The following PDE1C variants were observed in gnomAD, a reference collection of about 807,000 sequenced individuals.
PDE1C encodes the protein phosphodiesterase 1C, also known as dual specificity calcium/calmodulin-dependent 3',5'-cyclic nucleotide phosphodiesterase 1C.
In PDE1C, 62 loss-of-function variants were observed where a neutral mutation model predicts 93.1. The observed-to-expected ratio is 0.67, with a 90% confidence interval of 0.54 to 0.82. PDE1C has a LOEUF of 0.82. Ranked by LOEUF, PDE1C falls within the 40% of genes least tolerant of loss-of-function variation. PDE1C has a pLI of 0.00. For synonymous variants in PDE1C, 325 were observed against 310.1 expected, an observed-to-expected ratio of 1.05 and a Z score of -0.50; for missense variants, 742 against 884.6, an observed-to-expected ratio of 0.84 and a Z score of 2.04.
intron 2 of PDE1C, among the ~76,000 whole-genome samples, chr7:31,932,298 A>C (rs1173128961): frequency 6.6e-6 from 1 of 150,692 alleles, no homozygotes; most frequent in Non-Finnish European, 1.5e-5. Context: ...GAATGGGAGA[A>C]AATTTTTGCA....
chr7:31,832,157 G>C (rs1434125813), intron 11 of PDE1C, among the ~76,000 whole-genome samples: 1 of 152,030 alleles, frequency 6.6e-6, no homozygotes, highest in Non-Finnish European at 1.5e-5. Flanking sequence ...ATTTCATAGA[G>C]AACAAAGGAA....
chr7:31,705,745 C>T, the PDE1C span, among the ~76,000 whole-genome samples: 8 of 151,684 alleles, frequency 5.3e-5, no homozygotes, highest in Admixed American at 3.9e-4. Context: ...GACTGGAAGG[C>T]GTCTCATTAT....
chr7:31,809,390 A>T (rs1020999000), intron 15 of PDE1C, among the ~76,000 whole-genome samples: 1 of 152,058 alleles, frequency 6.6e-6, no homozygotes, highest in Non-Finnish European at 1.5e-5. Context: ...CTGTGGAGTG[A>T]GGAGAAACCC....
intron 1 of PDE1C, among the ~76,000 whole-genome samples, chr7:32,376,726 C>T (rs528617919): frequency 8.2e-4 from 125 of 152,244 alleles, no homozygotes; most frequent in Middle Eastern, 6.8e-3. Context: ...CTCACTCTGT[C>T]GTCCAGGCTG....
the PDE1C span, among the ~76,000 whole-genome samples, chr7:31,713,378 C>T: frequency 6.6e-6 from 1 of 152,254 alleles, no homozygotes; most frequent in African/African-American, 2.4e-5. Context: ...CTCCCATGGC[C>T]TTGGGCAGCT....
chr7:31,989,597 C>T (rs1422004487), intron 2 of PDE1C, among the ~76,000 whole-genome samples: 2 of 152,206 alleles, frequency 1.3e-5, no homozygotes, highest in Non-Finnish European at 2.9e-5. Flanking sequence ...TACATTCTTA[C>T]ACTTGGGTGT....
chr7:31,793,708 T>C (rs1784844118), intron 16 of PDE1C, among the ~76,000 whole-genome samples: 1 of 150,850 alleles, frequency 6.6e-6, no homozygotes, highest in Non-Finnish European at 1.5e-5. Context: ...AAGAAAACAT[T>C]AAGAAAAAAC....
At chr7:31,828,401 T>C (rs2128747842) in intron 11 of PDE1C, 28 bp from the exon 12 acceptor site, 2 of 1,581,468 alleles carry the variant, frequency 1.3e-6, no homozygotes, top group East Asian at 2.2e-5. Context: ...CATAGTAAAT[T>C]AAGGAACAGT....
intron 3 of PDE1C, among the ~76,000 whole-genome samples, chr7:32,154,575 C>A (rs908753760): frequency 6.6e-6 from 1 of 152,178 alleles, no homozygotes; most frequent in African/African-American, 2.4e-5. Flanking sequence ...CTCATTCCAT[C>A]CTCCCATCAT....
chr7:32,337,117 G>T (rs368028511), intron 1 of PDE1C, among the ~76,000 whole-genome samples: 14 of 151,740 alleles, frequency 9.2e-5, no homozygotes, highest in Non-Finnish European at 1.2e-4. Context: ...GCCTAGAGAG[G>T]CTCCCTACCT....
intron 3 of PDE1C, among the ~76,000 whole-genome samples, chr7:32,085,231 G>A (rs947844544): frequency 1.3e-4 from 19 of 149,158 alleles, no homozygotes; most frequent in African/African-American, 4.5e-4. Flanking sequence ...ACAACTCTAC[G>A]CAAATAAACT....
At chr7:32,175,246 A>G (rs1376306282) in intron 2 of PDE1C, among the ~76,000 whole-genome samples, 1 of 152,232 alleles carries the variant, frequency 6.6e-6, no homozygotes, top group Admixed American at 6.5e-5. Context: ...ATAGGTTCAC[A>G]GTTCCAGACC....
At chr7:31,810,937 T>G (rs1787466857) in intron 15 of PDE1C, among the ~76,000 whole-genome samples, 1 of 152,140 alleles carries the variant, frequency 6.6e-6, no homozygotes, top group East Asian at 1.9e-4. Flanking sequence ...GCAATGGAAT[T>G]TGACAAATAC....
the PDE1C span, among the ~76,000 whole-genome samples, chr7:31,724,582 C>T: frequency 1.3e-5 from 2 of 152,284 alleles, no homozygotes; most frequent in Non-Finnish European, 2.9e-5. Flanking sequence ...CTTTCCTTAG[C>T]CCAGTGCCCC....
At chr7:32,364,820 T>C (rs573482284) in intron 1 of PDE1C, among the ~76,000 whole-genome samples, 2 of 152,314 alleles carry the variant, frequency 1.3e-5, no homozygotes, top group South Asian at 4.1e-4. Flanking sequence ...AATCCCACAC[T>C]GGTAGCTGAA....
intron 16 of PDE1C, among the ~76,000 whole-genome samples, chr7:31,793,454 G>A (rs1584109735): frequency 6.6e-6 from 1 of 152,042 alleles, no homozygotes; most frequent in Admixed American, 6.6e-5. Context: ...GCTGAAGAGA[G>A]AGATGGGGTT....
the PDE1C span, among the ~76,000 whole-genome samples, chr7:31,713,956 G>T: frequency 2.0e-5 from 3 of 152,132 alleles, no homozygotes; most frequent in Non-Finnish European, 2.9e-5. Context: ...GTGCTGCAAA[G>T]GTCTCTGACA....
At chr7:32,096,309 C>G (rs7780007) in intron 3 of PDE1C, among the ~76,000 whole-genome samples, 103,914 of 152,032 alleles carry the variant, frequency 0.68, 36,249 homozygotes, top group Middle Eastern at 0.78. Context: ...AGAACTAGTG[C>G]GTTTTGGAAA....
chr7:31,940,180 C>T (rs1038687295), intron 2 of PDE1C, among the ~76,000 whole-genome samples: 2 of 152,158 alleles, frequency 1.3e-5, no homozygotes, highest in African/African-American at 4.8e-5. Flanking sequence ...AATTTGAACT[C>T]ATATCTATCT....
Sources: gnomAD v4.1 joint callset for allele counts (sites outside exome capture counted in the v4.1 genomes callset) on GRCh38, gnomAD v4.1.1 for gene constraint, MANE v1.5 for transcripts, NCBI Gene and HGNC (gene_info 2026-07-23, HGNC 2026-07-21) for gene names.